CBR4: variants seen among roughly 807,000 people sequenced by gnomAD.
CBR4 encodes the protein carbonyl reductase 4.
CBR4 carries 22 observed loss-of-function variants against 21.0 expected under a neutral mutation model. The observed-to-expected ratio is 1.05, with a 90% CI of 0.75 to 1.50. The LOEUF is 1.50. Ranked by LOEUF, CBR4 falls within the 40% of genes most tolerant of loss-of-function variation. The pLI is 0.00. For missense variants in CBR4, 302 were observed against 286.3 expected, an observed-to-expected ratio of 1.05 and a Z score of -0.40; for synonymous variants, 100 against 104.4, an observed-to-expected ratio of 0.96 and a Z score of 0.26.
intron 2 of CBR4, among the ~76,000 whole-genome samples, chr4:168,980,017 C>G (rs908454916): frequency 3.3e-5 from 5 of 152,164 alleles, no homozygotes; most frequent in African/African-American, 1.2e-4. Flanking sequence ...GGGCCCACAA[C>G]ACACTGGGAT....
intron 2 of CBR4, among the ~76,000 whole-genome samples, chr4:168,946,168 G>A (rs572885950): frequency 2.0e-5 from 3 of 152,290 alleles, no homozygotes; most frequent in African/African-American, 7.2e-5. Flanking sequence ...GCTAACAACT[G>A]AGGAATAAAA....
chr4:168,979,683 C>T (rs985874775), intron 2 of CBR4, among the ~76,000 whole-genome samples: 1 of 152,150 alleles, frequency 6.6e-6, no homozygotes, highest in Non-Finnish European at 1.5e-5. Flanking sequence ...TCCCTATGAG[C>T]CCCCACCGCC....
chr4:168,961,124 AC>A (rs1763837710), intron 2 of CBR4, among the ~76,000 whole-genome samples: 1 of 152,204 alleles, frequency 6.6e-6, no homozygotes. Flanking sequence ...AAGAGATGAT[AC>A]TGACGCTTTC....
intron 2 of CBR4, among the ~76,000 whole-genome samples, chr4:168,936,152 G>A (rs1381722338): frequency 6.6e-6 from 1 of 152,154 alleles, no homozygotes; most frequent in Non-Finnish European, 1.5e-5. Context: ...GTCTGGAGTG[G>A]ACCTCCAGCA....
At chr4:168,922,812 T>G (rs1172645795) in intron 2 of CBR4, among the ~76,000 whole-genome samples, 21 of 152,208 alleles carry the variant, frequency 1.4e-4, no homozygotes, top group Non-Finnish European at 8.8e-5. Context: ...TAAATATGCC[T>G]TTTGATCACA....
intron 2 of CBR4, among the ~76,000 whole-genome samples, chr4:168,959,884 A>AC (rs1763796994): frequency 6.6e-6 from 1 of 151,792 alleles, no homozygotes; most frequent in Non-Finnish European, 1.5e-5. Context: ...TAAAAAAAAA[A>AC]AAAAACCTTC....
chr4:168,904,267 G>A, intron 2 of CBR4: 1 of 253,524 alleles, frequency 3.9e-6, no homozygotes, highest in South Asian at 5.5e-5. Context: ...GAAAATAAAG[G>A]AGAAAAAGAG....
intron 2 of CBR4, among the ~76,000 whole-genome samples, chr4:168,954,832 A>G (rs545991934): frequency 6.6e-6 from 1 of 152,204 alleles, no homozygotes; most frequent in Non-Finnish European, 1.5e-5. Context: ...ATGCAGCAGA[A>G]AACAATCAGT....
At chr4:168,947,542 A>G (rs113174101) in intron 2 of CBR4, among the ~76,000 whole-genome samples, 1 of 151,984 alleles carries the variant, frequency 6.6e-6, no homozygotes, top group Non-Finnish European at 1.5e-5. Context: ...CCCCTCTCCC[A>G]TCCTTCTCCC....
intron 2 of CBR4, among the ~76,000 whole-genome samples, chr4:168,907,967 T>C (rs1204763097): frequency 2.6e-5 from 4 of 152,212 alleles, no homozygotes; most frequent in Non-Finnish European, 5.9e-5. Context: ...GGGGTAGGGC[T>C]AAGAGTCTTC....
chr4:168,943,237 G>GT (rs1252080602), intron 2 of CBR4, among the ~76,000 whole-genome samples: 1 of 152,134 alleles, frequency 6.6e-6, no homozygotes, highest in Non-Finnish European at 1.5e-5. Flanking sequence ...TGACAAAAGG[G>GT]TACAGCACTG....
chr4:168,911,864 C>T (rs1000793956), intron 2 of CBR4, among the ~76,000 whole-genome samples: 2 of 152,116 alleles, frequency 1.3e-5, no homozygotes, highest in African/African-American at 4.8e-5. Flanking sequence ...TAGCAAACAC[C>T]GTGAATGCCA....
Position 168,921,248 on chromosome 4 carries a change from A to G in CBR4, n.170-26483T>C, listed in dbSNP as rs545044124. Among the ~76,000 whole-genome samples the G allele has an allele frequency of 6.6e-5, 10 of 151,940 alleles. 1 individual carries two copies. The South Asian group carries it at 2.1e-3, about 32-fold the overall frequency. Reference sequence around the variant, plus strand: ...TAGTGAAACCCTATCTCTACTGAAAATACTAAAAATTAGGCTGGCATAGTG... The same window carrying G: ...TAGTGAAACCCTATCTCTACTGAAAGTACTAAAAATTAGGCTGGCATAGTG... On this transcript the variant is annotated intron_variant and non_coding_transcript_variant, in intron 2 of 3. Coordinates refer to the CBR4 transcript ENST00000509108.
chr4:168,894,855 T>G, intron 2 of CBR4: 1 of 941,496 alleles, frequency 1.1e-6, no homozygotes, highest in Non-Finnish European at 1.6e-6. Context: ...CATACTATGT[T>G]AAGTGACTGA....
intron 2 of CBR4, among the ~76,000 whole-genome samples, chr4:168,935,838 C>T (rs1163964855): frequency 1.3e-5 from 2 of 152,212 alleles, no homozygotes; most frequent in African/African-American, 4.8e-5. Context: ...GGTGCAGCTT[C>T]AGCAGACTTA....
At chr4:169,000,435 G>A (rs1036773601) in intron 4 of CBR4, among the ~76,000 whole-genome samples, 5 of 151,786 alleles carry the variant, frequency 3.3e-5, no homozygotes, top group Non-Finnish European at 5.9e-5. Flanking sequence ...AGACCAAAAG[G>A]GTTAATAGGA....
chr4:168,944,476 T>C (rs1382774814), intron 2 of CBR4, among the ~76,000 whole-genome samples: 1 of 151,118 alleles, frequency 6.6e-6, no homozygotes, highest in Non-Finnish European at 1.5e-5. Flanking sequence ...AGACCCTGCC[T>C]CTAAAAAGAA....
At chr4:168,927,533 C>T (rs1762715137) in intron 2 of CBR4, 1 of 231,194 alleles carries the variant, frequency 4.3e-6, no homozygotes, top group Non-Finnish European at 8.6e-6. Context: ...CCTGTAGCAT[C>T]TAGTCTACTT....
intron 2 of CBR4, among the ~76,000 whole-genome samples, chr4:168,934,580 T>C (rs1298075136): frequency 6.6e-6 from 1 of 151,896 alleles, no homozygotes; most frequent in African/African-American, 2.4e-5. Flanking sequence ...TTTAAAAACC[T>C]AGAGGAAATG....
Sources: allele counts gnomAD v4.1 joint callset (sites outside exome capture counted in the v4.1 genomes callset), GRCh38; gene constraint gnomAD v4.1.1; transcripts MANE v1.5; gene names NCBI Gene and HGNC (gene_info 2026-07-23, HGNC 2026-07-21).